The following KIF26B variants were observed in gnomAD, a reference collection of about 807,000 sequenced individuals.
KIF26B encodes kinesin family member 26B, also known as kinesin-like protein KIF26B.
KIF26B carries 63 observed loss-of-function variants against 151.2 expected under a neutral mutation model. That is an observed-to-expected ratio of 0.42 (90% confidence interval 0.34 to 0.51). The LOEUF (loss-of-function observed/expected upper bound fraction) is 0.51. Among genes scored for constraint, KIF26B ranks in the 20% least tolerant of loss-of-function variants. The probability of loss-of-function intolerance (pLI) is 0.07; values close to 1 mark genes in which losing one functional copy is unlikely to be tolerated. For missense variants in KIF26B, 2,813 were observed against 2,913.6 expected, an observed-to-expected ratio of 0.97 and a Z score of 0.79; for synonymous variants, 1,357 against 1,262.1, an observed-to-expected ratio of 1.08 and a Z score of -1.59.
In KIF26B at chr1:245,431,322, G is replaced by T. The variant is rs370903713; in HGVS notation, c.1166+11577G>T. On this transcript the variant is annotated intron_variant, in intron 4 of 14. Coordinates refer to ENST00000407071, the MANE Select transcript of KIF26B (RefSeq NM_018012.4). ...GCCTCCTGAGTAGCTAGGACTGCAG[G>T]CGCCCGCCACCATGCCCAGCTAATT... is the stretch of plus-strand genomic sequence containing the variant. 6.0e-5 allele frequency among the ~76,000 whole-genome samples: 9 copies of T among 151,084 alleles called. No individual in the cohort carries two copies. The East Asian group carries it at 7.8e-4, about 13-fold the overall frequency.
At chr1:245,505,576 G>A (rs1295558004) in intron 4 of KIF26B, among the ~76,000 whole-genome samples, 1 of 151,878 alleles carries the variant, frequency 6.6e-6, no homozygotes, top group African/African-American at 2.4e-5. Flanking sequence ...GTAGAGACGG[G>A]GTTTCACCGT....
intron 4 of KIF26B, among the ~76,000 whole-genome samples, chr1:245,421,670 T>A (rs1176156142): frequency 6.6e-6 from 1 of 152,112 alleles, no homozygotes. Flanking sequence ...GTTGACTGAC[T>A]CACAAGGCAA....
At chr1:245,343,159 C>T (rs1280413399) in intron 2 of KIF26B, among the ~76,000 whole-genome samples, 2 of 151,268 alleles carry the variant, frequency 1.3e-5, no homozygotes, top group South Asian at 2.1e-4. Context: ...TTTCAGGTGT[C>T]TGTCTTCACT....
At chr1:245,378,398 C>G (rs1673326155) in intron 3 of KIF26B, among the ~76,000 whole-genome samples, 1 of 152,082 alleles carries the variant, frequency 6.6e-6, no homozygotes, top group Non-Finnish European at 1.5e-5. Context: ...AGTTATTTTC[C>G]CCTCCCAGGC....
rs1670167541 is a variant in KIF26B, at chr1:245,239,131, G to A, written c.465+82448G>A. Among the ~76,000 whole-genome samples the A allele has an allele frequency of 6.6e-6, 1 of 152,120 alleles. No homozygotes were observed. Among genetic ancestry groups the A allele is most frequent in the Non-Finnish European group, 1.5e-5 (1 of 68,024 alleles). On this transcript the variant is annotated intron_variant, in intron 2 of 14. Transcript: ENST00000407071. This position sits in a 1 kb window ranked among gnomAD's most constrained non-coding sequence, Gnocchi z 4.3. ...TTCATTTTACTTCCCCTCTCAGAAT[G>A]GCCTGTGTAGTGGGAGGCCCAGGAC...
chr1:245,357,934 T>G (rs1294769168), intron 2 of KIF26B, among the ~76,000 whole-genome samples: 2 of 152,230 alleles, frequency 1.3e-5, no homozygotes, highest in Non-Finnish European at 2.9e-5. Context: ...TTTTTTGTGT[T>G]GAGACATGGT....
chr1:245,689,838 G>A (rs1204115224), intron 12 of KIF26B, among the ~76,000 whole-genome samples: 5 of 152,248 alleles, frequency 3.3e-5, no homozygotes, highest in East Asian at 1.9e-4. Flanking sequence ...GATTACAGGC[G>A]TGAGCCACCA....
At chr1:245,254,347 C>T (rs527734376) in intron 2 of KIF26B, among the ~76,000 whole-genome samples, 11 of 151,974 alleles carry the variant, frequency 7.2e-5, no homozygotes, top group African/African-American at 1.9e-4. Context: ...ACTACTCAGG[C>T]GTTGTAACTT....
intron 2 of KIF26B, among the ~76,000 whole-genome samples, chr1:245,184,744 A>G (rs2103529533): frequency 6.6e-6 from 1 of 152,354 alleles, no homozygotes. Flanking sequence ...GGATTCTTTT[A>G]CTATAAACGG....
Position 245,602,927 on chromosome 1 carries a change from GA to G in KIF26B, c.1557+146del, listed in dbSNP as rs1479519313. 1.4e-6 allele frequency: 1 copy of G among 732,772 alleles called. No homozygotes were observed. The highest frequency in any genetic ancestry group is 2.3e-6 in the Non-Finnish European group (1 of 425,870). 45.4% of individuals were successfully genotyped at this position (732,772 alleles called of 1,614,324 possible). ...TTCAGGAGTCAATCTGAGCTCCACC[GA>G]ATGGTCCAGTGCTTTTGAATTACTG... On this transcript the variant is annotated intron_variant, in intron 6 of 14. Coordinates refer to ENST00000407071, the MANE Select transcript of KIF26B (RefSeq NM_018012.4). This position sits in a 1 kb window ranked among gnomAD's most constrained non-coding sequence, Gnocchi z 4.5.
At chr1:245,414,087 G>C (rs995808691) in intron 3 of KIF26B, among the ~76,000 whole-genome samples, 2 of 152,244 alleles carry the variant, frequency 1.3e-5, no homozygotes, top group African/African-American at 4.8e-5. Context: ...TGGCCTGGGG[G>C]CCAGAGATGG....
intron 10 of KIF26B, among the ~76,000 whole-genome samples, chr1:245,681,729 C>T (rs1450510350): frequency 1.3e-5 from 2 of 152,178 alleles, no homozygotes; most frequent in Non-Finnish European, 2.9e-5. Flanking sequence ...TGAGGCTAGA[C>T]ACCAAAGAAA....
chr1:245,543,154 C>A (rs1353703926), intron 5 of KIF26B, among the ~76,000 whole-genome samples: 1 of 152,118 alleles, frequency 6.6e-6, no homozygotes, highest in Non-Finnish European at 1.5e-5. Flanking sequence ...CCCCTCTATC[C>A]CTAATGACCT....
intron 14 of KIF26B, among the ~76,000 whole-genome samples, chr1:245,699,574 T>A (rs1320581560): frequency 6.6e-6 from 1 of 151,676 alleles, no homozygotes; most frequent in African/African-American, 2.4e-5. Context: ...CTAATAACAA[T>A]TCAGGACAAT....
chr1:245,295,133 G>A (rs1312057600), intron 2 of KIF26B, among the ~76,000 whole-genome samples: 1 of 152,104 alleles, frequency 6.6e-6, no homozygotes, highest in Non-Finnish European at 1.5e-5. Flanking sequence ...GCATAAACAT[G>A]TTTTTAAAAA....
intron 2 of KIF26B, among the ~76,000 whole-genome samples, chr1:245,213,239 C>T (rs1200451929): frequency 2.0e-5 from 3 of 152,198 alleles, no homozygotes; most frequent in African/African-American, 2.4e-5. Context: ...GACAGACTCT[C>T]AGGCTGGTGG....
chr1:245,694,843 C>T (rs1160054696), intron 12 of KIF26B, among the ~76,000 whole-genome samples: 2 of 152,196 alleles, frequency 1.3e-5, no homozygotes, highest in African/African-American at 4.8e-5. Flanking sequence ...AGGTATCAGC[C>T]CAAGTGTTTT....
intron 2 of KIF26B, among the ~76,000 whole-genome samples, chr1:245,292,484 C>T (rs1671270725): frequency 6.6e-6 from 1 of 152,182 alleles, no homozygotes; most frequent in South Asian, 2.1e-4. Flanking sequence ...TGCACGGCTC[C>T]TTTTCCTCGG....
intron 4 of KIF26B, among the ~76,000 whole-genome samples, chr1:245,475,052 G>T (rs1660005687): frequency 6.6e-6 from 1 of 151,804 alleles, no homozygotes; most frequent in Non-Finnish European, 1.5e-5. Context: ...GTAAACTACT[G>T]TGAATAGCAA....
Sources: gnomAD v4.1 joint callset for allele counts (sites outside exome capture counted in the v4.1 genomes callset) on GRCh38, gnomAD v4.1.1 for gene constraint, Gnocchi (gnomAD v3.1) non-coding constraint, MANE v1.5 for transcripts, NCBI Gene and HGNC (gene_info 2026-07-23, HGNC 2026-07-21) for gene names.